The following MALRD1 variants were observed in gnomAD, a reference collection of about 807,000 sequenced individuals.
MALRD1 encodes MAM and LDL-receptor class A domain-containing protein 1.
MALRD1 carries 247 observed loss-of-function variants against 242.1 expected under a neutral mutation model. The observed-to-expected ratio is 1.02, with a 90% CI of 0.92 to 1.13. The LOEUF (loss-of-function observed/expected upper bound fraction) is 1.13. Ranked by LOEUF, MALRD1 falls within the 50% of genes most tolerant of loss-of-function variation. MALRD1 has a pLI of 0.00. For missense variants in MALRD1, 2,989 were observed against 2,533.1 expected (o/e 1.18, Z -3.86); for synonymous variants, 995 against 866.6 (o/e 1.15, Z -2.60).
chr10:19,052,065 G>T (rs376021062), intron 1 of MALRD1: 5 of 413,656 alleles, frequency 1.2e-5, no homozygotes, highest in South Asian at 3.9e-5. Flanking sequence ...TAGCTTTGAT[G>T]GCATGGTGGA....
Position 19,567,435 on chromosome 10 carries a change from A to G in MALRD1, c.5479-67A>G, listed in dbSNP as rs538395578. 75 of 1,314,708 alleles carry G rather than the reference A, an allele frequency of 5.7e-5. No homozygotes were observed. The East Asian group carries it at 1.5e-3, about 26-fold the overall frequency. The allele number at this position is 1,314,708 out of a possible 1,614,324, so 81.4% of individuals were successfully genotyped here. ...AGCCAGAGATTTCATTCTTTCATCA[A>G]TCATCTGGATGTCCTGATACTTCTA... is the stretch of plus-strand genomic sequence containing the variant. On this transcript the variant is annotated intron_variant, in intron 32 of 39. Transcript: ENST00000454679.
chr10:19,097,289 A>T (rs1321017085), intron 4 of MALRD1, among the ~76,000 whole-genome samples: 2 of 152,196 alleles, frequency 1.3e-5, no homozygotes, highest in African/African-American at 2.4e-5. Flanking sequence ...TCACTGAGCC[A>T]TAATAATGTT....
chr10:19,184,257 G>A (rs1835643710), intron 14 of MALRD1, among the ~76,000 whole-genome samples: 1 of 152,140 alleles, frequency 6.6e-6, no homozygotes, highest in Non-Finnish European at 1.5e-5. Flanking sequence ...GCACATCTTA[G>A]CTCTCAAGTC....
At chr10:19,188,019 C>T (rs2131578010) in intron 14 of MALRD1, among the ~76,000 whole-genome samples, 1 of 152,286 alleles carries the variant, frequency 6.6e-6, no homozygotes, top group Non-Finnish European at 1.5e-5. Flanking sequence ...AGAATCCTGT[C>T]ATTCACAGTT....
chr10:19,627,578 A>G (rs570170241), intron 36 of MALRD1, among the ~76,000 whole-genome samples: 11 of 152,030 alleles, frequency 7.2e-5, no homozygotes, highest in African/African-American at 2.4e-4. Context: ...TCTTCTAAAA[A>G]TATAAAAATA....
intron 13 of MALRD1, among the ~76,000 whole-genome samples, chr10:19,170,090 C>T (rs1008831348): frequency 6.6e-6 from 1 of 152,206 alleles, no homozygotes; most frequent in African/African-American, 2.4e-5. Context: ...AGGGCATTTG[C>T]TCTTCCTGCT....
intron 18 of MALRD1, among the ~76,000 whole-genome samples, chr10:19,238,513 GTATATTATA>G (rs1838569193): frequency 6.1e-5 from 2 of 33,024 alleles, no homozygotes; most frequent in East Asian, 2.5e-3. Flanking sequence ...AATATATAAT[GTATATTATA>G]TATAATATAC....
chr10:19,664,077 T>G (rs1055159253), intron 36 of MALRD1, among the ~76,000 whole-genome samples: 1 of 151,960 alleles, frequency 6.6e-6, no homozygotes, highest in African/African-American at 2.4e-5. Flanking sequence ...ACAATTTGCC[T>G]TCTCTTCTCT....
chr10:19,239,080 A>C (rs950721450), intron 18 of MALRD1, among the ~76,000 whole-genome samples: 1 of 149,266 alleles, frequency 6.7e-6, no homozygotes, highest in Non-Finnish European at 1.5e-5. Context: ...TTTTTTTGAG[A>C]AGGAGTCTTG....
At chr10:19,507,205 C>G (rs941926570) in intron 31 of MALRD1, among the ~76,000 whole-genome samples, 5 of 152,028 alleles carry the variant, frequency 3.3e-5, no homozygotes, top group African/African-American at 9.7e-5. Flanking sequence ...GGCCCCAACT[C>G]CAGCAACGGG....
chr10:19,545,132 G>C (rs370679202), intron 32 of MALRD1, among the ~76,000 whole-genome samples: 120 of 152,212 alleles, frequency 7.9e-4, no homozygotes, highest in African/African-American at 2.4e-3. Flanking sequence ...GTCCTCACAA[G>C]GTCTTCCCTC....
At chr10:19,695,670 C>T (rs1833347795) in intron 38 of MALRD1, among the ~76,000 whole-genome samples, 1 of 151,978 alleles carries the variant, frequency 6.6e-6, no homozygotes, top group Admixed American at 6.6e-5. Context: ...CAGGTACCTG[C>T]CACCATGCCC....
At chr10:19,520,018 C>T (rs1833807282) in intron 31 of MALRD1, among the ~76,000 whole-genome samples, 1 of 152,098 alleles carries the variant, frequency 6.6e-6, no homozygotes, top group Non-Finnish European at 1.5e-5. Flanking sequence ...CCCTTTGTAG[C>T]TACTATTCAC....
chr10:19,345,991 G>T (rs1204540214), intron 24 of MALRD1, among the ~76,000 whole-genome samples: 2 of 151,626 alleles, frequency 1.3e-5, no homozygotes, highest in Non-Finnish European at 2.9e-5. Context: ...CACTTTGTTG[G>T]CCAGGATGGT....
chr10:19,671,047 TTTTTTA>T (rs1841898563), intron 36 of MALRD1, among the ~76,000 whole-genome samples: 2 of 151,962 alleles, frequency 1.3e-5, no homozygotes, highest in Admixed American at 1.3e-4. Flanking sequence ...CCTGGCTAAT[TTTTTTA>T]TTTTTATTTT....
intron 33 of MALRD1, among the ~76,000 whole-genome samples, chr10:19,587,187 C>A (rs1837473914): frequency 6.6e-6 from 1 of 152,232 alleles, no homozygotes; most frequent in African/African-American, 2.4e-5. Context: ...CACCCATCTT[C>A]TGCGTCACTC....
chr10:19,315,261 T>G (rs1564554665), intron 21 of MALRD1, among the ~76,000 whole-genome samples: 1 of 47,854 alleles, frequency 2.1e-5, no homozygotes, highest in Non-Finnish European at 3.4e-5. Context: ...TATAAATATA[T>G]AAATATAATT....
At chr10:19,560,628 A>G (rs1475055898) in intron 32 of MALRD1, among the ~76,000 whole-genome samples, 1 of 152,234 alleles carries the variant, frequency 6.6e-6, no homozygotes, top group Non-Finnish European at 1.5e-5. Flanking sequence ...AATACTATGT[A>G]GCCATAAAAA....
chr10:19,643,286 GA>G (rs59347619), intron 36 of MALRD1, among the ~76,000 whole-genome samples: 223 of 148,756 alleles, frequency 1.5e-3, no homozygotes, highest in African/African-American at 4.2e-3. Context: ...ACAGAAAAAA[GA>G]AAAAAAAAAT....
Sources: allele counts gnomAD v4.1 joint callset (sites outside exome capture counted in the v4.1 genomes callset), GRCh38; gene constraint gnomAD v4.1.1; transcripts MANE v1.5; gene names NCBI Gene and HGNC (gene_info 2026-07-23, HGNC 2026-07-21).